C3orf20: variants seen among roughly 807,000 people sequenced by gnomAD.
C3orf20 encodes uncharacterized protein C3orf20.
In C3orf20, 76 loss-of-function variants were observed where a neutral mutation model predicts 88.3. That is an observed-to-expected ratio of 0.86 (90% CI 0.72 to 1.04). The LOEUF (loss-of-function observed/expected upper bound fraction) is 1.04. Ranked by LOEUF, C3orf20 falls within the 50% of genes least tolerant of loss-of-function variation. The pLI is 0.00. For missense variants in C3orf20, 1,056 were observed against 1,123.3 expected (o/e 0.94, Z 0.86); for synonymous variants, 436 against 437.4 (o/e 1.00, Z 0.04).
chr3:14,704,289 G>A lies in C3orf20; in HGVS notation c.879-48G>A. 3 of 1,595,314 alleles carry A rather than the reference G, an allele frequency of 1.9e-6. No homozygotes were observed. In the South Asian group the frequency reaches 3.4e-5, roughly 18 times the overall value. The stretch of plus-strand genomic sequence containing the variant: ...AGGGGCTGTAGAGAGCATCCCTGGT[G>A]CTTGAGAACCAAAAGGCTAGACAAT... On this transcript the variant is annotated intron_variant, in intron 6 of 16. Transcript: ENST00000253697.
chr3:14,697,319 C>T (rs1359474672), intron 5 of C3orf20, among the ~76,000 whole-genome samples: 1 of 151,898 alleles, frequency 6.6e-6, no homozygotes, highest in Non-Finnish European at 1.5e-5. Context: ...TTAAATTTGC[C>T]CTTTTGAGGT....
intron 7 of C3orf20, among the ~76,000 whole-genome samples, chr3:14,711,858 A>G (rs972812455): frequency 6.6e-6 from 1 of 152,026 alleles, no homozygotes; most frequent in Admixed American, 6.6e-5. Flanking sequence ...TATGTCGTAT[A>G]CCATCTTTGT....
Position 14,719,985 on chromosome 3 carries a change from G to C in C3orf20, c.1435-1668G>C, listed in dbSNP as rs147971688. On this transcript the variant is annotated intron_variant, in intron 9 of 16. Coordinates refer to ENST00000253697, the MANE Select transcript of C3orf20 (RefSeq NM_032137.5). The stretch of plus-strand genomic sequence containing the variant: ...ACATCTCTCTAGAAGGAGGACAAGA[G>C]AGAGGAGGGTTTTTTTTGTTTTTTT... Among the ~76,000 whole-genome samples, 514 of 151,978 alleles carry C rather than the reference G, an allele frequency of 3.4e-3. 7 individuals are homozygous for C. The highest frequency in any genetic ancestry group is 0.012 in the African/African-American group (495 of 41,524).
At chr3:14,690,249 C>G (rs2032658173) in intron 5 of C3orf20, 133 bp downstream of exon 5, 1 of 1,257,924 alleles carries the variant, frequency 7.9e-7, no homozygotes, top group Non-Finnish European at 1.1e-6. Flanking sequence ...CATAGCGGCT[C>G]TGCCTGGAGA....
At chr3:14,702,475 C>G (rs2033314520) in intron 5 of C3orf20, among the ~76,000 whole-genome samples, 2 of 143,384 alleles carry the variant, frequency 1.4e-5, no homozygotes, top group South Asian at 2.2e-4. Flanking sequence ...GAGTCTCACT[C>G]TGTCACCCAG....
rs1000868323 is a variant in C3orf20 at position 14,772,862 on chromosome 3, C to A, written c.2702C>A (p.Ala901Asp). The change falls in exon 17 of 17, where the codon GCC (alanine) becomes GAC (aspartate). Residue 901 changes from alanine (A) to aspartate (D), a missense_variant. Ala to Asp is a moderately radical substitution (Grantham distance 126, BLOSUM62 -2). Transcript: ENST00000253697. The surrounding 1 kb of genome is among the most constrained non-coding windows in gnomAD (Gnocchi z 4.2). ...DSKITSWKKQASKK is the reference protein window; with the variant it reads ...DSKITSWKKQDSKK Reference sequence around the variant, plus strand: ...AAGATAACTAGTTGGAAGAAGCAGGCCTCCAAGAAGTAGCGCCATCCTGGC... The same window carrying A: ...AAGATAACTAGTTGGAAGAAGCAGGACTCCAAGAAGTAGCGCCATCCTGGC... 4.3e-6 allele frequency: 7 copies of A among 1,613,836 alleles called. No individual in the cohort carries two copies. The highest frequency in any genetic ancestry group is 1.7e-4 in the Middle Eastern group (1 of 6,030).
Position 14,726,897 on chromosome 3 carries a change from C to T in C3orf20, c.1567-4C>T. 6.2e-7 allele frequency: 1 copy of T among 1,613,994 alleles called. No homozygotes were observed. The highest frequency in any genetic ancestry group is 1.7e-5 in the Admixed American group (1 of 60,014). On this transcript the variant is annotated splice_polypyrimidine_tract_variant and splice_region_variant and intron_variant, in intron 10 of 16. Transcript: ENST00000253697. ...CACCCGCCCTCCCCTTTGCCCCTCT[C>T]CAGCTGAACCGCAGAATCAGCAACA...
At chr3:14,764,749 A>C (rs568869370) in intron 15 of C3orf20, among the ~76,000 whole-genome samples, 1 of 152,172 alleles carries the variant, frequency 6.6e-6, no homozygotes, top group East Asian at 1.9e-4. Flanking sequence ...TCCTCACAAC[A>C]TGGTGGCTGG....
chr3:14,766,854 G>C (rs1308742158), intron 15 of C3orf20: 1 of 152,368 alleles, frequency 6.6e-6, no homozygotes, highest in Non-Finnish European at 1.5e-5. Context: ...CTGACCCCCA[G>C]CCAGGGCGGC....
chr3:14,710,005 T>G (rs1033677103), intron 7 of C3orf20, among the ~76,000 whole-genome samples: 1 of 152,190 alleles, frequency 6.6e-6, no homozygotes, highest in South Asian at 2.1e-4. Flanking sequence ...AGGCTTTTCT[T>G]TGTTGGGTGA....
At chr3:14,684,765 C>T (rs1185169275) in intron 4 of C3orf20, among the ~76,000 whole-genome samples, 1 of 152,248 alleles carries the variant, frequency 6.6e-6, no homozygotes, top group Non-Finnish European at 1.5e-5. Context: ...ACAGGCCTCT[C>T]AGTGCTCACC....
intron 15 of C3orf20, chr3:14,765,047 C>T (rs1033975937): frequency 6.6e-6 from 1 of 152,224 alleles, no homozygotes; most frequent in African/African-American, 2.4e-5. Flanking sequence ...CACCTGGATT[C>T]CAGAAGATAC....
chr3:14,761,470 C>T lies in C3orf20; in HGVS notation c.2353-3C>T. The T allele has an allele frequency of 6.2e-7, 1 of 1,614,050 alleles. No homozygotes were observed. Among genetic ancestry groups the T allele is most frequent in the Non-Finnish European group, 8.5e-7 (1 of 1,180,012 alleles). ...TCTCTCCTCATTTCCTTCCTGTCAACAGATGTTTGCCGGGGGGAAGCTCAT... is the reference window on the plus strand; with the variant it reads ...TCTCTCCTCATTTCCTTCCTGTCAATAGATGTTTGCCGGGGGGAAGCTCAT... On this transcript the variant is annotated splice_polypyrimidine_tract_variant and splice_region_variant and intron_variant, in intron 14 of 16. Transcript: ENST00000253697.
chr3:14,720,937 TGG>T (rs2034134007), intron 9 of C3orf20, among the ~76,000 whole-genome samples: 2 of 152,224 alleles, frequency 1.3e-5, no homozygotes. Context: ...GAGGCAGAAC[TGG>T]GACTCACCCG....
intron 7 of C3orf20, among the ~76,000 whole-genome samples, chr3:14,711,006 G>A (rs2033713773): frequency 6.6e-6 from 1 of 151,708 alleles, no homozygotes; most frequent in Non-Finnish European, 1.5e-5. Context: ...TGATTCTCCT[G>A]CCTCAGCCTC....
At chr3:14,766,577 AG>A (rs1330021151) in intron 15 of C3orf20, among the ~76,000 whole-genome samples, 1 of 151,998 alleles carries the variant, frequency 6.6e-6, no homozygotes, top group Non-Finnish European at 1.5e-5. Context: ...GGCGAGGGGG[AG>A]GGGGGTCACA....
chr3:14,702,838 G>C (rs1301178298), intron 5 of C3orf20, among the ~76,000 whole-genome samples: 1 of 152,100 alleles, frequency 6.6e-6, no homozygotes, highest in Non-Finnish European at 1.5e-5. Flanking sequence ...TCTCATCTGA[G>C]ACAAGGCAAG....
At chr3:14,743,748 C>T (rs907083947) in intron 12 of C3orf20, among the ~76,000 whole-genome samples, 25 of 152,078 alleles carry the variant, frequency 1.6e-4, no homozygotes, top group Non-Finnish European at 3.4e-4. Flanking sequence ...CCCACACACT[C>T]AACTCCTTGT....
At chr3:14,720,684 C>T (rs904909249) in intron 9 of C3orf20, among the ~76,000 whole-genome samples, 2 of 152,150 alleles carry the variant, frequency 1.3e-5, no homozygotes, top group Non-Finnish European at 2.9e-5. Flanking sequence ...GGGCTGCACA[C>T]TCTGAGGCTC....
Sources: gnomAD v4.1 joint callset for allele counts (sites outside exome capture counted in the v4.1 genomes callset) on GRCh38, gnomAD v4.1.1 for gene constraint, Gnocchi (gnomAD v3.1) non-coding constraint, MANE v1.5 for transcripts, NCBI Gene and HGNC (gene_info 2026-07-23, HGNC 2026-07-21) for gene names.